Variants in XKR4 observed in about 807,000 individuals in gnomAD.
XKR4 encodes XK-related protein 4.
XKR4 carries 12 observed loss-of-function variants against 53.9 expected under a neutral mutation model. The ratio of observed to expected loss-of-function variants is 0.22; its 90% CI spans 0.14 to 0.36. The LOEUF (loss-of-function observed/expected upper bound fraction) is 0.36, where lower values mean the gene tolerates loss of function less well. XKR4 is among the 10% of genes least tolerant of loss of function. XKR4 has a pLI of 1.00. For missense variants in XKR4, 799 were observed against 859.5 expected (o/e 0.93, Z 0.88); for synonymous variants, 354 against 362.4 (o/e 0.98, Z 0.26).
At chr8:55,407,667 T>A (rs1804705079) in intron 2 of XKR4, among the ~76,000 whole-genome samples, 1 of 152,186 alleles carries the variant, frequency 6.6e-6, no homozygotes, top group Non-Finnish European at 1.5e-5. Context: ...TCTTGTGAGG[T>A]CTAAGTAAGA....
chr8:55,109,877 C>G (rs1301675675), intron 1 of XKR4, among the ~76,000 whole-genome samples: 1 of 152,130 alleles, frequency 6.6e-6, no homozygotes, highest in African/African-American at 2.4e-5. Flanking sequence ...GATTGAGTAT[C>G]CAAGCACACA....
intron 2 of XKR4, among the ~76,000 whole-genome samples, chr8:55,480,558 C>T (rs1250805457): frequency 6.6e-6 from 1 of 152,020 alleles, no homozygotes; most frequent in African/African-American, 2.4e-5. Flanking sequence ...CCAGGGCAAT[C>T]AGGCAGGAGA....
chr8:55,211,457 G>A (rs1047301265), intron 1 of XKR4, among the ~76,000 whole-genome samples: 1 of 152,164 alleles, frequency 6.6e-6, no homozygotes, highest in Non-Finnish European at 1.5e-5. Context: ...AATGTCCTAC[G>A]TTAGGAAGGG....
At position 55,451,252 on chromosome 8, in the gene XKR4, C is replaced by T. The variant is rs574665297; in HGVS notation, c.1007-72029C>T. ...TTGGCACCAAGCCCACTGCTGCGCC[C>T]ACAGGTCCAGACACTGCCCCCACTT... is the stretch of plus-strand genomic sequence containing the variant. On this transcript the variant is annotated intron_variant, in intron 2 of 2. Coordinates refer to ENST00000327381, the MANE Select transcript of XKR4 (RefSeq NM_052898.2). 3 of 577,572 alleles carry T rather than the reference C, an allele frequency of 5.2e-6. No homozygotes were observed. In the East Asian group the frequency reaches 8.8e-5, roughly 17 times the overall value. The allele number at this position is 577,572 out of a possible 1,614,324, so 35.8% of individuals were successfully genotyped here. A position where few individuals can be genotyped will look rare whatever the true frequency, so the allele number is the denominator to read the frequency against.
At chr8:55,445,974 A>C (rs1805340795) in intron 2 of XKR4, among the ~76,000 whole-genome samples, 1 of 152,216 alleles carries the variant, frequency 6.6e-6, no homozygotes, top group Non-Finnish European at 1.5e-5. Context: ...AATCTTCCAA[A>C]GAAAAATCTC....
chr8:55,504,187 T>TTTTTG (rs34175312), intron 2 of XKR4, among the ~76,000 whole-genome samples: 49,234 of 145,786 alleles, frequency 0.34, 8,737 homozygotes, highest in South Asian at 0.4. Context: ...GTTGTTGTTG[T>TTTTTG]TTTTGTTTTG....
chr8:55,347,924 T>G (rs184806968), intron 1 of XKR4, among the ~76,000 whole-genome samples: 1 of 152,270 alleles, frequency 6.6e-6, no homozygotes, highest in Admixed American at 6.5e-5. Flanking sequence ...ACTGTGAACT[T>G]CCCTGACCAA....
rs79878429 is a variant in XKR4 at position 55,290,955 on chromosome 8, C to G, written c.807-66723C>G. On this transcript the variant is annotated intron_variant, in intron 1 of 2. Transcript: ENST00000327381. Reference sequence around the variant, plus strand: ...TGGTGTCAAATCTAAGAACTTTGCTCTAGATCTCAAAGATTTTCTCCCATT... The same window carrying G: ...TGGTGTCAAATCTAAGAACTTTGCTGTAGATCTCAAAGATTTTCTCCCATT... Among the ~76,000 whole-genome samples the G allele has an allele frequency of 1.8e-4, 28 of 152,142 alleles. No homozygotes were observed. The East Asian group carries it at 4.4e-3, about 24-fold the overall frequency.
At chr8:55,200,013 A>G (rs933300794) in intron 1 of XKR4, among the ~76,000 whole-genome samples, 1 of 152,166 alleles carries the variant, frequency 6.6e-6, no homozygotes, top group Non-Finnish European at 1.5e-5. Flanking sequence ...CCTCAACTCC[A>G]AACTGCATCA....
At chr8:55,522,920 C>T (rs551882758) in intron 2 of XKR4, among the ~76,000 whole-genome samples, 9 of 152,088 alleles carry the variant, frequency 5.9e-5, no homozygotes, top group Non-Finnish European at 1.2e-4. Flanking sequence ...ACGAGGATCC[C>T]CATCTGAGTT....
chr8:55,433,804 T>C (rs564159606), intron 2 of XKR4, among the ~76,000 whole-genome samples: 3 of 152,308 alleles, frequency 2.0e-5, no homozygotes, highest in Non-Finnish European at 4.4e-5. Flanking sequence ...GGTGGGAAGA[T>C]TGCTTGAGCC....
At chr8:55,284,810 G>A (rs1450748417) in intron 1 of XKR4, among the ~76,000 whole-genome samples, 1 of 152,172 alleles carries the variant, frequency 6.6e-6, no homozygotes, top group African/African-American at 2.4e-5. Flanking sequence ...AGGGAGGATT[G>A]CCAAAGAATA....
At chr8:55,273,874 G>T (rs993327566) in intron 1 of XKR4, among the ~76,000 whole-genome samples, 2 of 152,150 alleles carry the variant, frequency 1.3e-5, no homozygotes, top group African/African-American at 4.8e-5. Flanking sequence ...CTGTCTTGAT[G>T]AATCGGTTCT....
At chr8:55,471,985 G>A (rs1805891976) in intron 2 of XKR4, among the ~76,000 whole-genome samples, 1 of 152,148 alleles carries the variant, frequency 6.6e-6, no homozygotes, top group Admixed American at 6.5e-5. Flanking sequence ...AGCAATGAGA[G>A]AACAGACACA....
intron 1 of XKR4, among the ~76,000 whole-genome samples, chr8:55,166,221 A>G (rs9298527): frequency 0.032 from 4,914 of 152,312 alleles, 210 homozygotes; most frequent in East Asian, 0.12. Context: ...ATATTTGGTT[A>G]TAGAAGGTAT....
intron 1 of XKR4, chr8:55,164,644 C>A (rs1246951413): frequency 6.4e-6 from 2 of 314,142 alleles, no homozygotes; most frequent in Non-Finnish European, 1.3e-5. Context: ...GGCAATTTTC[C>A]ACACATGTTT....
At chr8:55,366,808 T>C (rs1803995843) in intron 2 of XKR4, among the ~76,000 whole-genome samples, 3 of 152,188 alleles carry the variant, frequency 2.0e-5, no homozygotes, top group Non-Finnish European at 4.4e-5. Context: ...AATTACCCTC[T>C]CTCTCCCTAT....
chr8:55,465,431 A>G (rs373201842), intron 2 of XKR4, among the ~76,000 whole-genome samples: 1 of 151,874 alleles, frequency 6.6e-6, no homozygotes, highest in East Asian at 1.9e-4. Context: ...CTGGCTAGCC[A>G]TATGTAGAAA....
chr8:55,164,416 T>G (rs1314388452), intron 1 of XKR4: 1 of 456,250 alleles, frequency 2.2e-6, no homozygotes, highest in Non-Finnish European at 4.4e-6. Flanking sequence ...CTGACAGATC[T>G]CCCAGAAAGG....
Sources: gnomAD v4.1 joint callset for allele counts (sites outside exome capture counted in the v4.1 genomes callset) on GRCh38, gnomAD v4.1.1 for gene constraint, MANE v1.5 for transcripts, NCBI Gene and HGNC (gene_info 2026-07-23, HGNC 2026-07-21) for gene names.